AATF: variants seen among roughly 807,000 people sequenced by gnomAD.
AATF encodes the protein protein AATF.
AATF carries 48 observed loss-of-function variants against 63.7 expected under a neutral mutation model. The observed-to-expected ratio is 0.75, with a 90% CI of 0.60 to 0.96. The LOEUF (loss-of-function observed/expected upper bound fraction) is 0.96, where lower values mean the gene tolerates loss of function less well. AATF is among the 40% of genes least tolerant of loss of function. AATF has a pLI of 0.00. For missense variants in AATF, 639 were observed against 685.7 expected, an observed-to-expected ratio of 0.93 and a Z score of 0.76; for synonymous variants, 258 against 247.7, an observed-to-expected ratio of 1.04 and a Z score of -0.39.
intron 8 of AATF, among the ~76,000 whole-genome samples, chr17:36,992,818 A>G (rs1240148952): frequency 6.6e-6 from 1 of 152,232 alleles, no homozygotes; most frequent in Non-Finnish European, 1.5e-5. Context: ...GAGGTCAGCA[A>G]GGCAGCTAAA....
chr17:37,045,548 C>G (rs118070517), intron 11 of AATF: 1 of 152,264 alleles, frequency 6.6e-6, no homozygotes, highest in Admixed American at 6.5e-5. Context: ...GCTGCAAAGA[C>G]GAGCAATTGT....
rs781572299 is a variant in AATF at position 37,056,693 on chromosome 17, G to A, written c.*29G>A. 70 of 1,612,880 alleles carry A rather than the reference G, an allele frequency of 4.3e-5. No individual in the cohort carries two copies. The highest frequency in any genetic ancestry group is 5.7e-5 in the Non-Finnish European group (67 of 1,179,142). ...CGCCCACCTCCGACACCCAGTGGGC[G>A]CCTTGGCTGGTGCGGCTGCTGGTCC... On this transcript the variant is annotated 3_prime_UTR_variant, in exon 12 of 12. Coordinates refer to ENST00000619387, the MANE Select transcript of AATF (RefSeq NM_012138.4).
At chr17:37,046,469 T>C (rs1317558138) in intron 11 of AATF, among the ~76,000 whole-genome samples, 1 of 152,048 alleles carries the variant, frequency 6.6e-6, no homozygotes, top group Non-Finnish European at 1.5e-5. Context: ...CTGGAAGGGC[T>C]TGCTCCCCAG....
intron 11 of AATF, chr17:37,033,730 C>T (rs887050883): frequency 5.2e-5 from 8 of 154,570 alleles, no homozygotes; most frequent in Admixed American, 1.3e-4. Context: ...TTGTCCATGG[C>T]TTTTGCTTCT....
At chr17:37,044,605 T>C (rs560047770) in intron 11 of AATF, among the ~76,000 whole-genome samples, 32 of 152,328 alleles carry the variant, frequency 2.1e-4, no homozygotes, top group African/African-American at 7.2e-4. Context: ...TTCTGTGCTA[T>C]TTAAACCAGG....
intron 4 of AATF, among the ~76,000 whole-genome samples, chr17:36,985,582 C>T (rs55928737): frequency 0.017 from 2,607 of 151,586 alleles, 43 homozygotes; most frequent in South Asian, 0.028. Context: ...CTTGCTCTGT[C>T]GTCCAGGCCA....
At chr17:36,968,464 T>A (rs2071013182) in intron 4 of AATF, among the ~76,000 whole-genome samples, 1 of 151,192 alleles carries the variant, frequency 6.6e-6, no homozygotes, top group African/African-American at 2.4e-5. Context: ...TTTGTAGAGA[T>A]GAGGTTTTGC....
intron 11 of AATF, among the ~76,000 whole-genome samples, chr17:37,042,172 A>C (rs1452364239): frequency 6.6e-6 from 1 of 152,032 alleles, no homozygotes; most frequent in Non-Finnish European, 1.5e-5. Context: ...GTTACATAGA[A>C]GTTTTACTTT....
At chr17:37,013,179 C>T (rs1172626082) in intron 8 of AATF, among the ~76,000 whole-genome samples, 2 of 152,116 alleles carry the variant, frequency 1.3e-5, no homozygotes, top group East Asian at 3.9e-4. Flanking sequence ...AGACATTTCT[C>T]CAGTGAAGAT....
At chr17:37,035,085 C>T (rs1183539474) in intron 11 of AATF, among the ~76,000 whole-genome samples, 2 of 150,248 alleles carry the variant, frequency 1.3e-5, no homozygotes, top group Admixed American at 6.7e-5. Context: ...GATCGTGCCA[C>T]TGCACTCCAG....
chr17:36,997,523 G>A (rs1344000292), intron 8 of AATF, among the ~76,000 whole-genome samples: 3 of 152,098 alleles, frequency 2.0e-5, no homozygotes, highest in African/African-American at 4.8e-5. Context: ...AGCACAATGC[G>A]ATACCACCTT....
At chr17:37,034,377 G>T (rs2071574310) in intron 11 of AATF, among the ~76,000 whole-genome samples, 1 of 151,740 alleles carries the variant, frequency 6.6e-6, no homozygotes, top group Non-Finnish European at 1.5e-5. Flanking sequence ...TTTTTTTTTA[G>T]TGGAAAAACA....
intron 11 of AATF, among the ~76,000 whole-genome samples, chr17:37,045,055 T>C (rs2071677769): frequency 6.6e-6 from 1 of 152,156 alleles, no homozygotes. Flanking sequence ...TTATTTTTAG[T>C]GTTGGTATTA....
chr17:36,959,510 A>G (rs1371052984), intron 4 of AATF, among the ~76,000 whole-genome samples: 1 of 152,178 alleles, frequency 6.6e-6, no homozygotes, highest in East Asian at 1.9e-4. Flanking sequence ...TTGTAAGTAA[A>G]TGTCTTTTTT....
In AATF at chr17:36,968,978, C is replaced by CT. The variant is rs536343871; in HGVS notation, c.832+15078dup. 1.6e-3 allele frequency among the ~76,000 whole-genome samples: 238 copies of CT among 152,184 alleles called. 1 individual carries two copies. Among genetic ancestry groups the CT allele is most frequent in the African/African-American group, 5.6e-3 (231 of 41,498 alleles). ...TGCATAGTCTGTTTCCTCTAAGCTG[C>CT]TTTTTTTGTTGTTGTTTTTTTGCTT... On this transcript the variant is annotated intron_variant, in intron 4 of 11. Transcript: ENST00000619387.
At chr17:37,022,265 C>T (rs893276165) in intron 10 of AATF, among the ~76,000 whole-genome samples, 2 of 152,140 alleles carry the variant, frequency 1.3e-5, no homozygotes, top group African/African-American at 4.8e-5. Flanking sequence ...GGTAGTTAAA[C>T]CCACATCCTT....
chr17:36,956,737 G>A (rs1056279074), intron 4 of AATF, among the ~76,000 whole-genome samples: 92 of 152,128 alleles, frequency 6.0e-4, no homozygotes, highest in African/African-American at 2.1e-3. Flanking sequence ...AGCACTTTGG[G>A]AGGCTGAGGC....
At chr17:36,951,523 T>C (rs2142199225) in intron 2 of AATF, among the ~76,000 whole-genome samples, 1 of 152,312 alleles carries the variant, frequency 6.6e-6, no homozygotes, top group Middle Eastern at 3.4e-3. Context: ...GTCACCTAAT[T>C]TAATCCTCCC....
chr17:37,033,298 C>A (rs975194808), intron 11 of AATF, among the ~76,000 whole-genome samples: 4 of 152,136 alleles, frequency 2.6e-5, no homozygotes, highest in African/African-American at 9.7e-5. Flanking sequence ...ATCTTAGATT[C>A]CCTGTCAGGA....
Sources: allele counts gnomAD v4.1 joint callset (sites outside exome capture counted in the v4.1 genomes callset), GRCh38; gene constraint gnomAD v4.1.1; transcripts MANE v1.5; gene names NCBI Gene and HGNC (gene_info 2026-07-23, HGNC 2026-07-21).